The following ZNF837 variants were observed in gnomAD, a reference collection of about 807,000 sequenced individuals.
ZNF837 encodes zinc finger protein 837.
For missense variants in ZNF837, 955 were observed against 801.7 expected (o/e 1.19, Z -2.31); for synonymous variants, 475 against 365.2 (o/e 1.30, Z -3.43).
chr19:58,368,067 T>A lies in ZNF837; in HGVS notation c.1266A>T (p.Pro422=). ...GGCCCTTGAAGGCCTTTTCGCACAG[T>A]GGGCACGCGTAGGGCTTGGCGCTGC... ...THSSAKPYAC[P]LCEKAFKGRS... The change falls in exon 3 of 3, where the codon CCA becomes CCT. Residue 422 remains proline (P), a synonymous_variant. Transcript: ENST00000597582. 2 of 1,542,666 alleles carry A rather than the reference T, an allele frequency of 1.3e-6. No homozygotes were observed. The highest frequency in any genetic ancestry group is 1.7e-6 in the Non-Finnish European group (2 of 1,148,042).
rs956129969 is a variant in ZNF837 at position 58,368,322 on chromosome 19, G to T, written c.1011C>A (p.Phe337Leu). The change falls in exon 3 of 3, where the codon TTC becomes TTA. Residue 337 changes from phenylalanine (F) to leucine (L), a missense_variant. Physicochemically the swap from Phe to Leu is conservative, Grantham distance 22 (BLOSUM62 0). Transcript: ENST00000597582. ...CCCCGCAGGGCGGGCACCCCAGCCG[G>T]AAGGCGCGCCGCGCCAGGACGGGGC... is the stretch of plus-strand genomic sequence containing the variant. ...RRGPVLARRA[F>L]RLGCPPCGDY... 6.7e-7 allele frequency: 1 copy of T among 1,495,012 alleles called. No individual in the cohort carries two copies. The highest frequency in any genetic ancestry group is 1.3e-5 in the South Asian group (1 of 76,976). 92.6% of individuals were successfully genotyped at this position (1,495,012 alleles called of 1,614,324 possible).
chr19:58,369,256 TC>T lies in ZNF837; in HGVS notation c.76del (p.Glu26ArgfsTer47). The T allele has an allele frequency of 7.1e-7, 1 of 1,412,108 alleles. No homozygotes were observed. Among genetic ancestry groups the T allele is most frequent in the African/African-American group, 1.5e-5 (1 of 65,706 alleles). 87.5% of individuals were successfully genotyped at this position (1,412,108 alleles called of 1,614,324 possible). On this transcript the variant is annotated frameshift_variant, in exon 3 of 3. Coordinates refer to ENST00000597582, the MANE Select transcript of ZNF837 (RefSeq NM_138466.2). LOFTEE classifies it low-confidence loss of function (END_TRUNC). ...GGGCCTCGGCTCCTCGGGCCTCTTC[TC>T]CCGGGCCCCGGAGGCACCCTGGGCA... ...ADAQGASGAR[E>X]KRPEEPRPLE...
At position 58,378,808 on chromosome 19, in the gene ZNF837, G is replaced by C. The variant is rs561551963; in HGVS notation, c.-140+2133C>G. On this transcript the variant is annotated intron_variant, in intron 1 of 2. Transcript: ENST00000597582. ...AGGTGTCCTTATGAAGGAGGCAAAG[G>C]GAGTTCTGACACGGAGAAGAGTGGT... Among the ~76,000 whole-genome samples, 10 of 152,330 alleles carry C rather than the reference G, an allele frequency of 6.6e-5. No individual in the cohort carries two copies. In the South Asian group the frequency reaches 2.1e-3, roughly 32 times the overall value.
chr19:58,378,737 G>A (rs575683870), intron 1 of ZNF837, among the ~76,000 whole-genome samples: 15 of 152,354 alleles, frequency 9.8e-5, no homozygotes, highest in Non-Finnish European at 1.3e-4. Context: ...AGGATCTTGT[G>A]ATGAGATCAC....
chr19:58,370,543 A>G (rs904774527), intron 1 of ZNF837, among the ~76,000 whole-genome samples: 2 of 152,206 alleles, frequency 1.3e-5, no homozygotes, highest in Non-Finnish European at 1.5e-5. Flanking sequence ...CTTTGCTGAG[A>G]TACACACACG....
At chr19:58,378,166 A>G (rs1395324958) in intron 1 of ZNF837, among the ~76,000 whole-genome samples, 2 of 152,216 alleles carry the variant, frequency 1.3e-5, no homozygotes, top group Non-Finnish European at 2.9e-5. Flanking sequence ...TAGGGCAGGG[A>G]ACTCCCCAGC....
At chr19:58,375,204 C>T (rs1300863495) in intron 1 of ZNF837, among the ~76,000 whole-genome samples, 14 of 131,654 alleles carry the variant, frequency 1.1e-4, no homozygotes, top group Admixed American at 9.8e-4. Context: ...TGCAATGAGC[C>T]GAGATCACAA....
At chr19:58,373,203 A>T (rs955834026) in intron 1 of ZNF837, among the ~76,000 whole-genome samples, 1 of 152,156 alleles carries the variant, frequency 6.6e-6, no homozygotes, top group African/African-American at 2.4e-5. Flanking sequence ...AAAGGCGCCG[A>T]TCCTTCCTCG....
chr19:58,376,016 T>G (rs992675541), intron 1 of ZNF837, among the ~76,000 whole-genome samples: 65 of 151,934 alleles, frequency 4.3e-4, no homozygotes, highest in African/African-American at 1.5e-3. Context: ...CCTCCCAGGT[T>G]CAAGCAATTC....
chr19:58,380,179 A>G (rs556131532), intron 1 of ZNF837, among the ~76,000 whole-genome samples: 4 of 152,198 alleles, frequency 2.6e-5, no homozygotes, highest in Non-Finnish European at 4.4e-5. Context: ...CCTATGTCCA[A>G]TTCTACACTG....
chr19:58,373,598 C>T (rs7254299), intron 1 of ZNF837, among the ~76,000 whole-genome samples: 76,649 of 152,070 alleles, frequency 0.5, 19,441 homozygotes, highest in Middle Eastern at 0.57. Context: ...TAGCTTGTTA[C>T]TCTCTTTCTG....
In ZNF837 at chr19:58,376,219, C is replaced by G. The variant is rs114054269; in HGVS notation, c.-140+4722G>C. On this transcript the variant is annotated intron_variant, in intron 1 of 2. Transcript: ENST00000597582. ...ACAGGCACAAGCCACTGCGCCCGGC[C>G]GAAGGTGGTTTCTTTTAAGCAATAC... Among the ~76,000 whole-genome samples the G allele has an allele frequency of 4.1e-3, 627 of 152,160 alleles. 6 individuals carry two copies. Among genetic ancestry groups the G allele is most frequent in the African/African-American group, 0.013 (557 of 41,550 alleles).
chr19:58,375,933 T>A (rs2052241608), intron 1 of ZNF837, among the ~76,000 whole-genome samples: 1 of 151,730 alleles, frequency 6.6e-6, no homozygotes, highest in African/African-American at 2.4e-5. Context: ...TTATTTATTT[T>A]TTTGACACAG....
chr19:58,375,270 GTATA>G (rs58582835), intron 1 of ZNF837, among the ~76,000 whole-genome samples: 374 of 34,806 alleles, frequency 0.011, 13 homozygotes, highest in African/African-American at 0.034. Flanking sequence ...AAAAAAAAAA[GTATA>G]TATATATATA....
At chr19:58,370,912 AAAG>A (rs1342400803) in intron 1 of ZNF837, among the ~76,000 whole-genome samples, 8 of 139,382 alleles carry the variant, frequency 5.7e-5, no homozygotes, top group African/African-American at 1.9e-4. Flanking sequence ...AAAAGGAAAA[AAAG>A]AAAAGAGAGA....
At position 58,367,880 on chromosome 19, in the gene ZNF837, C is replaced by T. The variant is rs1378014438; in HGVS notation, c.1453G>A (p.Val485Met). 8 of 1,535,228 alleles carry T rather than the reference C, an allele frequency of 5.2e-6. No individual in the cohort carries two copies. The African/African-American group carries it at 6.9e-5, about 13-fold the overall frequency. ...YICRDCGKAF[V>M]RNCSLVRHLR... ...TGGCGCACCAGGCTGCAGTTGCGCA[C>T]GAAGGCCTTGCCGCAGTCGCGGCAG... Residue 485 changes from valine to methionine, a missense_variant, in exon 3 of 3, where the codon GTG becomes ATG. By Grantham distance (21) the Val-to-Met change is conservative (BLOSUM62 1). Transcript: ENST00000597582.
At chr19:58,377,740 G>A (rs1481023644) in intron 1 of ZNF837, among the ~76,000 whole-genome samples, 1 of 152,214 alleles carries the variant, frequency 6.6e-6, no homozygotes, top group East Asian at 1.9e-4. Context: ...CACACCCAAG[G>A]GCACTGCTGC....
Position 58,368,370 on chromosome 19 carries a change from G to A in ZNF837, c.963C>T (p.His321=). The A allele has an allele frequency of 6.5e-7, 1 of 1,533,850 alleles. No individual in the cohort carries two copies. Among genetic ancestry groups the A allele is most frequent in the Non-Finnish European group, 8.7e-7 (1 of 1,144,190 alleles). The stretch of plus-strand genomic sequence containing the variant: ...GGCCACGCCGGTGGCGCTCGGCCGA[G>A]TGCGTCTTCTGGTGGCGGTACAGGC... ...CSGLYRHQKT[H]SAERHRRGPV... The change falls in exon 3 of 3, where the codon CAC becomes CAT. Residue 321 remains histidine, a synonymous_variant. Coordinates refer to ENST00000597582, the MANE Select transcript of ZNF837 (RefSeq NM_138466.2).
At chr19:58,374,989 T>C (rs1365880450) in intron 1 of ZNF837, among the ~76,000 whole-genome samples, 2 of 149,608 alleles carry the variant, frequency 1.3e-5, no homozygotes, top group African/African-American at 4.9e-5. Flanking sequence ...CCGGGCACAG[T>C]GGCTCACGCC....
Sources: gnomAD v4.1 joint callset for allele counts (sites outside exome capture counted in the v4.1 genomes callset) on GRCh38, gnomAD v4.1.1 for gene constraint, MANE v1.5 for transcripts, NCBI Gene and HGNC (gene_info 2026-07-23, HGNC 2026-07-21) for gene names.